SORBS2: variants seen among roughly 807,000 people sequenced by gnomAD.
SORBS2 encodes the protein sorbin and SH3 domain-containing protein 2.
In SORBS2, 46 loss-of-function variants were observed where a neutral mutation model predicts 97.7. The observed-to-expected ratio is 0.47, with a 90% CI of 0.37 to 0.60. The LOEUF (loss-of-function observed/expected upper bound fraction) is 0.60. SORBS2 is among the 20% of genes least tolerant of loss of function. SORBS2 has a pLI of 0.00. For missense variants in SORBS2, 1,316 were observed against 1,282.3 expected (o/e 1.03, Z -0.40); for synonymous variants, 476 against 473.4 (o/e 1.01, Z -0.07).
At chr4:185,781,862 C>A (rs2099032708) in intron 1 of SORBS2, among the ~76,000 whole-genome samples, 3 of 152,400 alleles carry the variant, frequency 2.0e-5, no homozygotes, top group Middle Eastern at 6.8e-3. Context: ...CCTGCTCCAC[C>A]AGCGTAGCCC....
At position 185,929,388 on chromosome 4, in the gene SORBS2, A is replaced by G. The variant is rs549072363; in HGVS notation, c.-338+26808T>C. Among the ~76,000 whole-genome samples the G allele has an allele frequency of 3.9e-5, 6 of 152,322 alleles. No individual in the cohort carries two copies. The South Asian group carries it at 8.3e-4, about 21-fold the overall frequency. On this transcript the variant is annotated intron_variant, in intron 1 of 20. Coordinates refer to the SORBS2 transcript ENST00000284776. ...TGATGTAGAAAGATTCAATCTGTAA[A>G]TCATCATAGCTCTTCTTTCCAAAGT...
intron 4 of SORBS2, among the ~76,000 whole-genome samples, chr4:185,643,189 C>T (rs1202519514): frequency 6.6e-6 from 1 of 152,194 alleles, no homozygotes; most frequent in East Asian, 1.9e-4. Context: ...CAGGCACATT[C>T]CCTGGGGGAG....
At chr4:185,699,901 C>G (rs980371560) in intron 2 of SORBS2, among the ~76,000 whole-genome samples, 3 of 152,112 alleles carry the variant, frequency 2.0e-5, no homozygotes, top group Admixed American at 6.5e-5. Context: ...TTACATTTCT[C>G]TATGTACTAA....
intron 2 of SORBS2, among the ~76,000 whole-genome samples, chr4:185,748,637 A>T (rs2098779509): frequency 6.6e-6 from 1 of 152,254 alleles, no homozygotes; most frequent in Non-Finnish European, 1.5e-5. Flanking sequence ...CAGTTTTGCC[A>T]TTAGTGGCAT....
At position 185,709,304 on chromosome 4, in the gene SORBS2, C is replaced by CCTTT. The variant is rs1554199361; in HGVS notation, c.-197-30483_-197-30482insAAAG. 2.5e-4 allele frequency among the ~76,000 whole-genome samples: 24 copies of CCTTT among 96,768 alleles called. 1 individual carries two copies. The highest frequency in any genetic ancestry group is 7.8e-4 in the Admixed American group (7 of 8,968). 63.5% of individuals were successfully genotyped at this position (96,768 alleles called of 152,430 possible). Reference sequence around the variant, plus strand: ...GCATGAGCCGCTGTGCTGGCCAAATCTTTTTTTTTTTTTTTTTTTTAGTAA... The same window carrying CCTTT: ...GCATGAGCCGCTGTGCTGGCCAAATCCTTTTTTTTTTTTTTTTTTTTTTTAGTAA... On this transcript the variant is annotated intron_variant, in intron 2 of 20. Transcript: ENST00000284776.
intron 1 of SORBS2, among the ~76,000 whole-genome samples, chr4:185,814,855 C>A (rs2099192322): frequency 6.6e-6 from 1 of 152,270 alleles, no homozygotes; most frequent in Non-Finnish European, 1.5e-5. Flanking sequence ...CTGCTCGAAG[C>A]CCCTCCCTTG....
At chr4:185,927,939 CAT>C (rs1293736845) in intron 1 of SORBS2, among the ~76,000 whole-genome samples, 1 of 152,138 alleles carries the variant, frequency 6.6e-6, no homozygotes, top group Non-Finnish European at 1.5e-5. Context: ...GTTGATTTAA[CAT>C]AAATTGTTTT....
intron 1 of SORBS2, among the ~76,000 whole-genome samples, chr4:185,851,936 C>T (rs977351512): frequency 7.9e-5 from 12 of 152,114 alleles, no homozygotes; most frequent in African/African-American, 2.9e-4. Context: ...TATATGTATC[C>T]TATTAGTTCT....
At chr4:185,872,841 A>C (rs2099231164) in intron 1 of SORBS2, among the ~76,000 whole-genome samples, 1 of 152,108 alleles carries the variant, frequency 6.6e-6, no homozygotes, top group East Asian at 1.9e-4. Flanking sequence ...AACCCTCTAC[A>C]CCTCCCATTA....
intron 1 of SORBS2, among the ~76,000 whole-genome samples, chr4:185,934,460 T>C (rs979680336): frequency 6.6e-6 from 1 of 152,020 alleles, no homozygotes; most frequent in African/African-American, 2.4e-5. Flanking sequence ...TTTTACATAT[T>C]AAAGAACAAA....
intron 1 of SORBS2, among the ~76,000 whole-genome samples, chr4:185,869,999 A>G (rs2099229495): frequency 6.6e-6 from 1 of 152,214 alleles, no homozygotes; most frequent in Admixed American, 6.5e-5. Flanking sequence ...AAAGTTGAAA[A>G]ATCTTTCTTA....
At chr4:185,787,342 TG>T in intron 1 of SORBS2, among the ~76,000 whole-genome samples, 1 of 152,254 alleles carries the variant, frequency 6.6e-6, no homozygotes, top group East Asian at 1.9e-4. Flanking sequence ...GAGACTGGCG[TG>T]GACAAACTGA....
intron 1 of SORBS2, among the ~76,000 whole-genome samples, chr4:185,832,186 A>T (rs2099205519): frequency 6.6e-6 from 1 of 152,206 alleles, no homozygotes; most frequent in African/African-American, 2.4e-5. Flanking sequence ...GAATCATGTT[A>T]TAGGTAGACA....
chr4:185,694,483 T>C (rs1209020081), intron 2 of SORBS2, among the ~76,000 whole-genome samples: 9 of 152,136 alleles, frequency 5.9e-5, no homozygotes, highest in Admixed American at 5.9e-4. Flanking sequence ...GTGTTTACTT[T>C]TGTCAAAGTT....
At chr4:185,842,410 C>G (rs2099212089) in intron 1 of SORBS2, among the ~76,000 whole-genome samples, 1 of 152,166 alleles carries the variant, frequency 6.6e-6, no homozygotes, top group Non-Finnish European at 1.5e-5. Context: ...AACTAAAAGT[C>G]AGAGCATGCA....
upstream of SORBS2, among the ~76,000 whole-genome samples, chr4:185,661,719 T>A (rs2097525055): frequency 6.6e-6 from 1 of 152,182 alleles, no homozygotes; most frequent in Non-Finnish European, 1.5e-5. Flanking sequence ...TGTCAAACGA[T>A]TCTCCCTTAT....
At chr4:185,801,769 A>G (rs1280967345) in intron 1 of SORBS2, among the ~76,000 whole-genome samples, 2 of 152,148 alleles carry the variant, frequency 1.3e-5, no homozygotes, top group African/African-American at 4.8e-5. Context: ...AGCAACTGTC[A>G]AGAACAAAGT....
chr4:185,667,707 C>CATATAT (rs10653312), intron 4 of SORBS2, among the ~76,000 whole-genome samples: 1 of 146,772 alleles, frequency 6.8e-6, no homozygotes, highest in Admixed American at 6.8e-5. Context: ...TATATATATA[C>CATATAT]GTATATATAT....
chr4:185,885,978 C>G (rs2099239206), intron 1 of SORBS2, among the ~76,000 whole-genome samples: 2 of 152,198 alleles, frequency 1.3e-5, no homozygotes, highest in African/African-American at 4.8e-5. Context: ...CCGAGAAAAT[C>G]CACAGCATTA....
Sources: gnomAD v4.1 joint callset for allele counts (sites outside exome capture counted in the v4.1 genomes callset) on GRCh38, gnomAD v4.1.1 for gene constraint, MANE v1.5 for transcripts, NCBI Gene and HGNC (gene_info 2026-07-23, HGNC 2026-07-21) for gene names.